The following KCNK12 variants were observed in gnomAD, a reference collection of about 807,000 sequenced individuals.
KCNK12 encodes potassium two pore domain channel subfamily K member 12.
In KCNK12, 6 loss-of-function variants were observed where a neutral mutation model predicts 25.3. That is an observed-to-expected ratio of 0.24 (90% CI 0.13 to 0.47). The LOEUF (loss-of-function observed/expected upper bound fraction) is 0.47. Among genes scored for constraint, KCNK12 ranks in the 20% least tolerant of loss-of-function variants. KCNK12 has a pLI of 0.99. For synonymous variants in KCNK12, 331 were observed against 311.1 expected (o/e 1.06, Z -0.67); for missense variants, 444 against 661.7 (o/e 0.67, Z 3.61).
intron 1 of KCNK12, chr2:47,564,989 G>C (rs1279891964): frequency 1.3e-5 from 2 of 151,500 alleles, no homozygotes; most frequent in African/African-American, 4.9e-5. Context: ...GCAATGTAGC[G>C]AGGCCCTGTC....
chr2:47,564,466 G>A (rs1669751159), intron 1 of KCNK12: 1 of 221,906 alleles, frequency 4.5e-6, no homozygotes, highest in African/African-American at 2.2e-5. Flanking sequence ...TAGGGGTAGT[G>A]AATTACAGAA....
At chr2:47,549,447 A>C (rs1305589380) in intron 1 of KCNK12, among the ~76,000 whole-genome samples, 1 of 152,238 alleles carries the variant, frequency 6.6e-6, no homozygotes, top group Non-Finnish European at 1.5e-5. Context: ...GCAAAGAAGC[A>C]GGAAGATGTG....
rs1668435649 is a variant in KCNK12, at chr2:47,512,762, T to G, written c.*8145A>C. 4.5e-6 allele frequency: 1 copy of G among 222,942 alleles called. No homozygotes were observed. Among genetic ancestry groups the G allele is most frequent in the African/African-American group, 2.3e-5 (1 of 43,694 alleles). The allele number at this position is 222,942 out of a possible 1,614,324, so 13.8% of individuals were successfully genotyped here. On this transcript the variant is annotated 3_prime_UTR_variant, in exon 2 of 2. Transcript: ENST00000327876. ...ACAGGTTTACCACTGGGAGAGCCTG[T>G]TGGTTGGGGAGGGCAGGAAGAGGGA...
Position 47,521,158 on chromosome 2 carries a change from G to A in KCNK12, c.1042C>T (p.Leu348Phe). The change falls in exon 2 of 2, where the codon CTC becomes TTC. Residue 348 changes from leucine (L) to phenylalanine (F), a missense_variant. By Grantham distance (22) the Leu-to-Phe change is conservative. This residue lies in a region of KCNK12 where 69 missense variants were observed against 81.7 expected (regional missense o/e 0.84). Coordinates refer to ENST00000327876, the MANE Select transcript of KCNK12 (RefSeq NM_022055.2). Reference protein sequence around the residue: ...GSRLRRRLAALGADPAARDSD... With the variant: ...GSRLRRRLAAFGADPAARDSD... ...TCGCGGGCCGCGGGGTCGGCACCGA[G>A]CGCGGCCAGGCGGCGGCGCAGCCGG... 7.7e-7 allele frequency: 1 copy of A among 1,290,518 alleles called. No homozygotes were observed. The highest frequency in any genetic ancestry group is 9.8e-7 in the Non-Finnish European group (1 of 1,023,018). The allele number at this position is 1,290,518 out of a possible 1,614,324, so 79.9% of individuals were successfully genotyped here. A position where few individuals can be genotyped will look rare whatever the true frequency, so the allele number is the denominator to read the frequency against.
intron 1 of KCNK12, chr2:47,535,291 A>C: frequency 4.3e-6 from 1 of 233,154 alleles, no homozygotes; most frequent in Non-Finnish European, 8.5e-6. Context: ...CCCGACCTGC[A>C]CCTGCCCTAT....
chr2:47,539,727 G>A (rs17568484), intron 1 of KCNK12, among the ~76,000 whole-genome samples: 15,719 of 152,270 alleles, frequency 0.1, 1,113 homozygotes, highest in Non-Finnish European at 0.15. Context: ...ACGCCAGACT[G>A]CGAAGGGCTG....
At chr2:47,544,994 T>C (rs1318398794) in intron 1 of KCNK12, among the ~76,000 whole-genome samples, 1 of 152,224 alleles carries the variant, frequency 6.6e-6, no homozygotes, top group Non-Finnish European at 1.5e-5. Context: ...AGCTTCTCTC[T>C]TTTTCAAATG....
At chr2:47,567,519 A>G (rs1323522318) in intron 1 of KCNK12, among the ~76,000 whole-genome samples, 3 of 152,250 alleles carry the variant, frequency 2.0e-5, no homozygotes, top group South Asian at 2.1e-4. Flanking sequence ...TGAAATGCCA[A>G]TTATGCTACT....
intron 1 of KCNK12, chr2:47,563,957 G>A (rs2348094): frequency 0.16 from 36,909 of 231,592 alleles, 3,141 homozygotes; most frequent in South Asian, 0.2. Flanking sequence ...GGGGAGAGCA[G>A]GGGGATCCAG....
Position 47,518,090 on chromosome 2 carries a change from A to T in KCNK12, c.*2817T>A, listed in dbSNP as rs1407783510. 1 of 152,212 alleles carries T rather than the reference A, an allele frequency of 6.6e-6. No individual in the cohort carries two copies. The highest frequency in any genetic ancestry group is 1.5e-5 in the Non-Finnish European group (1 of 68,050). The allele number at this position is 152,212 out of a possible 1,614,324, so 9.4% of individuals were successfully genotyped here. A position where few individuals can be genotyped will look rare whatever the true frequency, so the allele number is the denominator to read the frequency against. Reference sequence around the variant, plus strand: ...AGAAGAACCTGCACCAAAGAAAGGCATCCCTATCAATGTCACTGTTCCTGA... The same window carrying T: ...AGAAGAACCTGCACCAAAGAAAGGCTTCCCTATCAATGTCACTGTTCCTGA... On this transcript the variant is annotated 3_prime_UTR_variant, in exon 2 of 2. Transcript: ENST00000327876. This position sits in a 1 kb window ranked among gnomAD's most constrained non-coding sequence, Gnocchi z 4.1.
At position 47,512,436 on chromosome 2, in the gene KCNK12, C is replaced by G; in HGVS notation, c.*8471G>C. ...CAGGGCAGTGGTGAGCTCTCATGACCTGGTGTCTGTTGCCTTCTGGTTAAG... is the reference window on the plus strand; with the variant it reads ...CAGGGCAGTGGTGAGCTCTCATGACGTGGTGTCTGTTGCCTTCTGGTTAAG... On this transcript the variant is annotated 3_prime_UTR_variant, in exon 2 of 2. Transcript: ENST00000327876. The G allele has an allele frequency of 1.3e-6, 2 of 1,599,626 alleles. No individual in the cohort carries two copies. The highest frequency in any genetic ancestry group is 1.7e-6 in the Non-Finnish European group (2 of 1,173,950).
rs1247544495 is a variant in KCNK12 at position 47,569,498 on chromosome 2, A to T, written c.391+443T>A. Among the ~76,000 whole-genome samples, 1 of 152,118 alleles carries T rather than the reference A, an allele frequency of 6.6e-6. No homozygotes were observed. Among genetic ancestry groups the T allele is most frequent in the Non-Finnish European group, 1.5e-5 (1 of 68,030 alleles). ...AGGCCACTGAGGGAGAAAACAGGGT[A>T]AAAGAAGAAAGCGGGGGAGACTATG... On this transcript the variant is annotated intron_variant, in intron 1 of 1. Coordinates refer to ENST00000327876, the MANE Select transcript of KCNK12 (RefSeq NM_022055.2). This position sits in a 1 kb window ranked among gnomAD's most constrained non-coding sequence, Gnocchi z 4.1.
chr2:47,528,624 A>G lies in KCNK12; in HGVS notation c.392-6816T>C, dbSNP rs1668846002. On this transcript the variant is annotated intron_variant, in intron 1 of 1. Coordinates refer to ENST00000327876, the MANE Select transcript of KCNK12 (RefSeq NM_022055.2). The surrounding 1 kb of genome is among the most constrained non-coding windows in gnomAD (Gnocchi z 4.5). ...CTCAATCACACCCTGCAGAGGCGTG[A>G]TCTGTCCCTGGGTTCGCACCAAGCC... Among the ~76,000 whole-genome samples the G allele has an allele frequency of 6.6e-6, 1 of 152,004 alleles. No individual in the cohort carries two copies. The highest frequency in any genetic ancestry group is 6.6e-5 in the Admixed American group (1 of 15,256).
Position 47,570,921 on chromosome 2 carries a change from C to G in KCNK12, c.-590G>C, listed in dbSNP as rs1233755042. On this transcript the variant is annotated 5_prime_UTR_variant, in exon 1 of 2. Coordinates refer to ENST00000327876, the MANE Select transcript of KCNK12 (RefSeq NM_022055.2). Reference sequence around the variant, plus strand: ...TCAGAGCCTCGGAGCCGAGCCGAGTCCGGGGAAGCGCTCCTTTCTCAGCTC... The same window carrying G: ...TCAGAGCCTCGGAGCCGAGCCGAGTGCGGGGAAGCGCTCCTTTCTCAGCTC... 1 of 152,230 alleles carries G rather than the reference C, an allele frequency of 6.6e-6. No individual in the cohort carries two copies. The highest frequency in any genetic ancestry group is 1.5e-5 in the Non-Finnish European group (1 of 68,088). 9.4% of individuals were successfully genotyped at this position (152,230 alleles called of 1,614,324 possible).
At chr2:47,522,489 C>G (rs932095599) in intron 1 of KCNK12, among the ~76,000 whole-genome samples, 1 of 152,128 alleles carries the variant, frequency 6.6e-6, no homozygotes, top group Non-Finnish European at 1.5e-5. Context: ...ATCATATTTT[C>G]TTTTTTGGGG....
intron 1 of KCNK12, among the ~76,000 whole-genome samples, chr2:47,545,010 T>C (rs891346113): frequency 2.6e-5 from 4 of 152,244 alleles, no homozygotes; most frequent in Non-Finnish European, 5.9e-5. Context: ...AAATGTTCTA[T>C]AAGAAGTATC....
chr2:47,534,530 C>T (rs1387414310), intron 1 of KCNK12, among the ~76,000 whole-genome samples: 1 of 135,038 alleles, frequency 7.4e-6, no homozygotes, highest in Admixed American at 7.3e-5. Context: ...CCCCCCCGCC[C>T]CCACACACAG....
chr2:47,510,564 A>T lies in KCNK12; in HGVS notation c.*10343T>A, dbSNP rs112762121. 1.3e-5 allele frequency among the ~76,000 whole-genome samples: 2 copies of T among 152,102 alleles called. No homozygotes were observed. The highest frequency in any genetic ancestry group is 2.9e-5 in the Non-Finnish European group (2 of 68,016). ...GGCTCCAGGATCTGCCCTGGGGGCT[A>T]TCTCAACACCCCTACACTCTCACCG... On this transcript the variant is annotated 3_prime_UTR_variant, in exon 2 of 2. Transcript: ENST00000327876.
In KCNK12 at chr2:47,533,323, T is replaced by G. The variant is rs571189756; in HGVS notation, c.392-11515A>C. On this transcript the variant is annotated intron_variant, in intron 1 of 1. Coordinates refer to ENST00000327876, the MANE Select transcript of KCNK12 (RefSeq NM_022055.2). The surrounding 1 kb of genome is among the most constrained non-coding windows in gnomAD (Gnocchi z 4.7). The stretch of plus-strand genomic sequence containing the variant: ...ACTGTGCCCGGCCCACTGCCCTACC[T>G]CTGAATGTCACTGTGAAGATTAAAT... Among the ~76,000 whole-genome samples the G allele has an allele frequency of 6.6e-6, 1 of 152,244 alleles. No individual in the cohort carries two copies. Among genetic ancestry groups the G allele is most frequent in the East Asian group, 1.9e-4 (1 of 5,180 alleles).
Sources: allele counts gnomAD v4.1 joint callset (sites outside exome capture counted in the v4.1 genomes callset), GRCh38; gene constraint gnomAD v4.1.1; regional missense constraint gnomAD v4.1.1; non-coding constraint Gnocchi (gnomAD v3.1); transcripts MANE v1.5; gene names NCBI Gene and HGNC (gene_info 2026-07-23, HGNC 2026-07-21).